RNF213: variants seen among roughly 807,000 people sequenced by gnomAD.
RNF213 encodes ring finger protein 213.
In RNF213, 341 loss-of-function variants were observed where a neutral mutation model predicts 514.4. The observed-to-expected ratio is 0.66, with a 90% confidence interval of 0.61 to 0.73. The LOEUF (loss-of-function observed/expected upper bound fraction) is 0.73, where lower values mean the gene tolerates loss of function less well. RNF213 is among the 30% of genes least tolerant of loss of function. RNF213 has a pLI of 0.00. For synonymous variants in RNF213, 2,655 were observed against 2,658.2 expected (o/e 1.00, Z 0.04); for missense variants, 5,767 against 6,615.6 (o/e 0.87, Z 4.45).
chr17:80,369,948 G>C, intron 46 of RNF213, 81 bp downstream of exon 46: 2 of 941,246 alleles, frequency 2.1e-6, no homozygotes, highest in Non-Finnish European at 1.7e-6. Context: ...AAGTCTTCTT[G>C]TCGTGACTAG....
intron 7 of RNF213, among the ~76,000 whole-genome samples, 183 bp downstream of exon 7, chr17:80,290,911 G>T (rs977641844): frequency 5.9e-5 from 9 of 151,916 alleles, no homozygotes; most frequent in African/African-American, 2.2e-4. Context: ...CTGGGTTCAA[G>T]CGATTCTCAT....
chr17:80,271,470 G>T (rs1003489412), intron 2 of RNF213, among the ~76,000 whole-genome samples: 2 of 152,198 alleles, frequency 1.3e-5, no homozygotes, highest in Non-Finnish European at 2.9e-5. Flanking sequence ...CCAGACAGGG[G>T]CGCAGCTGGG....
chr17:80,375,562 C>T (rs546335184), intron 50 of RNF213, among the ~76,000 whole-genome samples, 198 bp from the exon 51 acceptor site: 18 of 151,992 alleles, frequency 1.2e-4, no homozygotes, highest in African/African-American at 3.1e-4. Context: ...AAGAATTAGC[C>T]GGACATGGTT....
intron 14 of RNF213, among the ~76,000 whole-genome samples, chr17:80,310,665 G>C (rs915624448): frequency 2.0e-5 from 3 of 151,978 alleles, no homozygotes; most frequent in African/African-American, 7.3e-5. Context: ...TGATTCTCCT[G>C]CCTCAGCCTC....
intron 64 of RNF213, 140 bp from the exon 65 acceptor site, chr17:80,389,033 C>T (rs915671394): frequency 3.9e-6 from 3 of 771,436 alleles, no homozygotes; most frequent in East Asian, 2.5e-5. Context: ...GCCTGCACAC[C>T]GTGCGCCCAA....
In RNF213 at chr17:80,358,325, C is replaced by T; in HGVS notation, c.10900C>T (p.Pro3634Ser). The T allele has an allele frequency of 6.2e-7, 1 of 1,614,134 alleles. No individual in the cohort carries two copies. Among genetic ancestry groups the T allele is most frequent in the Admixed American group, 1.7e-5 (1 of 60,014 alleles). ...LWKRVQGAVT[P>S]LLASMISFID... ...GAAGCGGGTCCAAGGTGCTGTCACC[C>T]CTCTGCTGGCGAGCATGATATCATT... The change falls in exon 37 of 68, where the codon CCT (proline) becomes TCT (serine). Residue 3634 changes from proline to serine, a missense_variant. By Grantham distance (74) the Pro-to-Ser change is moderately conservative. Coordinates refer to ENST00000582970, the MANE Select transcript of RNF213 (RefSeq NM_001256071.3).
At chr17:80,350,484 G>A in intron 31 of RNF213, 88 bp downstream of exon 31, 1 of 787,138 alleles carries the variant, frequency 1.3e-6, no homozygotes, top group Non-Finnish European at 2.2e-6. Context: ...AGACAGTATA[G>A]TATCATAATC....
intron 3 of RNF213, among the ~76,000 whole-genome samples, chr17:80,281,419 C>A (rs1222935994): frequency 1.6e-5 from 2 of 128,914 alleles, no homozygotes; most frequent in African/African-American, 5.8e-5. Flanking sequence ...AAGACAAACA[C>A]CCCATTCACA....
rs769921024 is a variant in RNF213 at position 80,369,662 on chromosome 17, G to A, written c.12316G>A (p.Ala4106Thr). 2.4e-5 allele frequency: 39 copies of A among 1,614,090 alleles called. No homozygotes were observed. Among genetic ancestry groups the A allele is most frequent in the Non-Finnish European group, 3.1e-5 (37 of 1,180,058 alleles). The part of the protein sequence containing the change: ...LFVQKGRLRD[A>T]AQRHCEHTKS... Reference sequence around the variant, plus strand: ...CGTCCAAAAGGGGCGCTTAAGAGATGCTGCCCAGAGTAGGTTGCTTTCTTC... The same window carrying A: ...CGTCCAAAAGGGGCGCTTAAGAGATACTGCCCAGAGTAGGTTGCTTTCTTC... Residue 4106 changes from alanine (A) to threonine (T), a missense_variant, in exon 45 of 68, where the codon GCT (alanine) becomes ACT (threonine). Transcript: ENST00000582970.
At chr17:80,284,809 G>A (rs1405000986) in intron 3 of RNF213, among the ~76,000 whole-genome samples, 1 of 152,170 alleles carries the variant, frequency 6.6e-6, no homozygotes, top group African/African-American at 2.4e-5. Flanking sequence ...TCCTTCAGGG[G>A]ACAAGACAGC....
chr17:80,285,919 G>T (rs6565664), intron 3 of RNF213, among the ~76,000 whole-genome samples: 4,649 of 152,110 alleles, frequency 0.031, 153 homozygotes, highest in African/African-American at 0.077. Flanking sequence ...CCAGTGATCC[G>T]CCTGCCTCGG....
At chr17:80,289,893 CCT>C in intron 6 of RNF213, 56 bp downstream of exon 6, 1 of 1,519,116 alleles carries the variant, frequency 6.6e-7, no homozygotes, top group African/African-American at 1.4e-5. Flanking sequence ...CCCGGCACAC[CCT>C]CTCCCTGCAC....
rs751066131 is a variant in RNF213, at chr17:80,343,247, C to T, written c.6105C>T (p.Val2035=). 8.7e-6 allele frequency: 14 copies of T among 1,613,918 alleles called. No individual in the cohort carries two copies. The South Asian group carries it at 1.4e-4, about 16-fold the overall frequency. Residue 2035 remains valine, a synonymous_variant, in exon 27 of 68, where the codon GTC becomes GTT. Coordinates refer to ENST00000582970, the MANE Select transcript of RNF213 (RefSeq NM_001256071.3). The surrounding 1 kb of genome is among the most constrained non-coding windows in gnomAD (Gnocchi z 4.3). Reference sequence around the variant, plus strand: ...ACCCTCAGGTGGATGAGAGCCGAGTCCTGGGCGCCCTGCTGCCCTTCCTGG... The same window carrying T: ...ACCCTCAGGTGGATGAGAGCCGAGTTCTGGGCGCCCTGCTGCCCTTCCTGG... The part of the protein sequence containing the change: ...LIDPQVDESR[V]LGALLPFLDA...
In RNF213 at chr17:80,264,055, C is replaced by T. The variant is rs2043523759; in HGVS notation, c.97+277C>T. Among the ~76,000 whole-genome samples, 1 of 152,182 alleles carries T rather than the reference C, an allele frequency of 6.6e-6. No homozygotes were observed. The highest frequency in any genetic ancestry group is 2.1e-4 in the South Asian group (1 of 4,826). On this transcript the variant is annotated intron_variant, in intron 2 of 67. Transcript: ENST00000582970. The surrounding 1 kb of genome is among the most constrained non-coding windows in gnomAD (Gnocchi z 5.0). Reference sequence around the variant, plus strand: ...TTCAGGCCCGGCCTGAGTGAGCCCACCCGAGTGGGAGGAGAGGGCAGGGCC... The same window carrying T: ...TTCAGGCCCGGCCTGAGTGAGCCCATCCGAGTGGGAGGAGAGGGCAGGGCC...
chr17:80,327,621 T>C (rs2046314065), intron 18 of RNF213, among the ~76,000 whole-genome samples, 195 bp from the exon 19 acceptor site: 1 of 152,226 alleles, frequency 6.6e-6, no homozygotes, highest in Non-Finnish European at 1.5e-5. Context: ...GGGATGAATC[T>C]GGGCAAGACC....
rs113718186 is a variant in RNF213 at position 80,279,550 on chromosome 17, C to T, written c.261+6146C>T. ...CACGATCTCAGTTCACTGCAACCTC[C>T]GCGTGCAGGGTTCAAGCGATTCTCC... On this transcript the variant is annotated intron_variant, in intron 3 of 67. Coordinates refer to ENST00000582970, the MANE Select transcript of RNF213 (RefSeq NM_001256071.3). 3.2e-3 allele frequency among the ~76,000 whole-genome samples: 489 copies of T among 152,106 alleles called. 3 individuals are homozygous for T. Among genetic ancestry groups the T allele is most frequent in the African/African-American group, 0.011 (456 of 41,476 alleles).
Position 80,269,479 on chromosome 17 carries a change from A to ATCTATCCATCCG in RNF213, c.98-3751_98-3750insGTCTATCCATCC, listed in dbSNP as rs1555636806. Among the ~76,000 whole-genome samples, 39 of 150,512 alleles carry ATCTATCCATCCG rather than the reference A, an allele frequency of 2.6e-4. 3 individuals carry two copies. Among genetic ancestry groups the ATCTATCCATCCG allele is most frequent in the African/African-American group, 8.8e-4 (36 of 41,048 alleles). On this transcript the variant is annotated intron_variant, in intron 2 of 67. Coordinates refer to ENST00000582970, the MANE Select transcript of RNF213 (RefSeq NM_001256071.3). Reference sequence around the variant, plus strand: ...ATTCATCCATCCATTCATCTATTCTATCTATCCATCCATCCATTCATCTAT... The same window carrying ATCTATCCATCCG: ...ATTCATCCATCCATTCATCTATTCTATCTATCCATCCGTCTATCCATCCATCCATTCATCTAT...
chr17:80,385,509 C>T (rs62077768), intron 60 of RNF213, 29 bp from the exon 61 acceptor site: 139,969 of 1,603,448 alleles, frequency 0.087, 6,793 homozygotes, highest in Non-Finnish European at 0.1. Flanking sequence ...TGCTATCATA[C>T]GGTTCTTACC....
chr17:80,328,081 G>A, intron 19 of RNF213, 92 bp downstream of exon 19: 1 of 1,419,466 alleles, frequency 7.0e-7, no homozygotes. Context: ...TTGTAAAGGA[G>A]ATAATCATCT....
Sources: gnomAD v4.1 joint callset for allele counts (sites outside exome capture counted in the v4.1 genomes callset) on GRCh38, gnomAD v4.1.1 for gene constraint, Gnocchi (gnomAD v3.1) non-coding constraint, MANE v1.5 for transcripts, NCBI Gene and HGNC (gene_info 2026-07-23, HGNC 2026-07-21) for gene names.